The following ADCY2 variants were observed in gnomAD, a reference collection of about 807,000 sequenced individuals.
ADCY2 encodes the protein adenylate cyclase type 2.
A neutral mutation model predicts 125.2 loss-of-function variants in ADCY2; 31 were observed. That is an observed-to-expected ratio of 0.25 (90% CI 0.19 to 0.33). The LOEUF (loss-of-function observed/expected upper bound fraction) is 0.33, where lower values mean the gene tolerates loss of function less well. Among genes scored for constraint, ADCY2 ranks in the 10% least tolerant of loss-of-function variants. The probability of loss-of-function intolerance (pLI) is 1.00; values close to 1 mark genes in which losing one functional copy is unlikely to be tolerated. For synonymous variants in ADCY2, 512 were observed against 548.4 expected, an observed-to-expected ratio of 0.93 and a Z score of 0.93; for missense variants, 904 against 1,418.2, an observed-to-expected ratio of 0.64 and a Z score of 5.82.
intron 4 of ADCY2, among the ~76,000 whole-genome samples, chr5:7,664,717 C>T (rs1259484453): frequency 1.3e-5 from 2 of 152,266 alleles, no homozygotes; most frequent in East Asian, 1.9e-4. Context: ...ATAGAGAATC[C>T]CCATTTTTTC....
At chr5:7,681,457 G>A (rs1740334122) in intron 4 of ADCY2, among the ~76,000 whole-genome samples, 1 of 152,184 alleles carries the variant, frequency 6.6e-6, no homozygotes, top group African/African-American at 2.4e-5. Flanking sequence ...CTGCCTCAGT[G>A]CGAGAGTGTC....
chr5:7,456,115 T>G (rs1439826133), intron 2 of ADCY2, among the ~76,000 whole-genome samples: 2 of 151,924 alleles, frequency 1.3e-5, no homozygotes, highest in Non-Finnish European at 2.9e-5. Context: ...TTAAAATTAT[T>G]CATTAGCTAT....
chr5:7,684,420 G>C (rs559748112), intron 4 of ADCY2, among the ~76,000 whole-genome samples: 37 of 152,290 alleles, frequency 2.4e-4, no homozygotes, highest in African/African-American at 8.9e-4. Context: ...CATTTCCCTA[G>C]AGGCTCTATT....
At chr5:7,791,559 C>G (rs1328575754) in intron 20 of ADCY2, among the ~76,000 whole-genome samples, 1 of 152,174 alleles carries the variant, frequency 6.6e-6, no homozygotes, top group African/African-American at 2.4e-5. Context: ...TCTCATGGCC[C>G]ACTGGCTTTC....
chr5:7,806,736 T>A (rs1386223202), intron 22 of ADCY2, among the ~76,000 whole-genome samples: 1 of 152,204 alleles, frequency 6.6e-6, no homozygotes, highest in East Asian at 1.9e-4. Flanking sequence ...CAAAGCTCTG[T>A]CTTCAGTACA....
At chr5:7,653,302 A>G (rs1201350455) in intron 4 of ADCY2, among the ~76,000 whole-genome samples, 1 of 152,218 alleles carries the variant, frequency 6.6e-6, no homozygotes, top group East Asian at 1.9e-4. Context: ...GTGAGATGTC[A>G]GGCAAGTTGC....
chr5:7,739,975 T>C (rs914391841), intron 14 of ADCY2, among the ~76,000 whole-genome samples: 1 of 151,980 alleles, frequency 6.6e-6, no homozygotes, highest in African/African-American at 2.4e-5. Context: ...CTACCCAACA[T>C]TTTAAGAAAA....
chr5:7,443,194 GA>G (rs1267660812), intron 2 of ADCY2, among the ~76,000 whole-genome samples: 1 of 152,116 alleles, frequency 6.6e-6, no homozygotes, highest in Non-Finnish European at 1.5e-5. Context: ...GACAGAACTA[GA>G]AACGAAGTGT....
At chr5:7,556,758 G>A (rs959426721) in intron 3 of ADCY2, among the ~76,000 whole-genome samples, 1 of 152,138 alleles carries the variant, frequency 6.6e-6, no homozygotes. Context: ...ATTCTCATAA[G>A]AGCGGGAACC....
chr5:7,819,676 G>T (rs1177105197), intron 23 of ADCY2, among the ~76,000 whole-genome samples: 2 of 152,220 alleles, frequency 1.3e-5, no homozygotes, highest in East Asian at 3.9e-4. Flanking sequence ...TCTCCCAGGA[G>T]GGGACTTCCC....
intron 3 of ADCY2, among the ~76,000 whole-genome samples, chr5:7,541,522 T>C (rs1183033452): frequency 6.6e-6 from 1 of 152,150 alleles, no homozygotes; most frequent in Non-Finnish European, 1.5e-5. Context: ...AAGACATTAG[T>C]GTAGCTGGGA....
chr5:7,489,689 G>T (rs1743087332), intron 2 of ADCY2, among the ~76,000 whole-genome samples: 2 of 152,194 alleles, frequency 1.3e-5, no homozygotes, highest in African/African-American at 4.8e-5. Context: ...AAATTAGCCA[G>T]CCTTGGGTAT....
intron 2 of ADCY2, among the ~76,000 whole-genome samples, chr5:7,467,084 C>A (rs1306855909): frequency 6.6e-6 from 1 of 152,184 alleles, no homozygotes; most frequent in Non-Finnish European, 1.5e-5. Context: ...AGTGGACAAG[C>A]ACCTGCCCTT....
At chr5:7,750,085 T>A (rs1173029384) in intron 15 of ADCY2, among the ~76,000 whole-genome samples, 2 of 152,170 alleles carry the variant, frequency 1.3e-5, no homozygotes, top group African/African-American at 4.8e-5. Context: ...CAAACATCTC[T>A]CTCTCTTATT....
chr5:7,430,555 G>A (rs550738673), intron 2 of ADCY2, among the ~76,000 whole-genome samples: 1 of 147,148 alleles, frequency 6.8e-6, no homozygotes, highest in East Asian at 2.0e-4. Flanking sequence ...ATAGTATATT[G>A]ATATACTATA....
At chr5:7,767,922 T>C (rs1468718234) in intron 17 of ADCY2, among the ~76,000 whole-genome samples, 1 of 152,108 alleles carries the variant, frequency 6.6e-6, no homozygotes, top group East Asian at 1.9e-4. Context: ...TCCCAGCTAC[T>C]TGGGAGACTG....
At chr5:7,822,114 T>G (rs1042496856) in intron 24 of ADCY2, among the ~76,000 whole-genome samples, 2 of 152,174 alleles carry the variant, frequency 1.3e-5, no homozygotes, top group Non-Finnish European at 2.9e-5. Flanking sequence ...AAGAAAAGAA[T>G]AAGAAGAAGA....
chr5:7,531,483 C>T (rs1734637367), intron 3 of ADCY2, among the ~76,000 whole-genome samples: 1 of 152,118 alleles, frequency 6.6e-6, no homozygotes, highest in Admixed American at 6.5e-5. Flanking sequence ...ATGCTTGAAA[C>T]AACAGAGATT....
chr5:7,446,125 T>A (rs972960726), intron 2 of ADCY2, among the ~76,000 whole-genome samples: 1 of 152,198 alleles, frequency 6.6e-6, no homozygotes, highest in African/African-American at 2.4e-5. Flanking sequence ...AATTTTTATA[T>A]TTACATAATT....
Sources: allele counts gnomAD v4.1 joint callset (sites outside exome capture counted in the v4.1 genomes callset), GRCh38; gene constraint gnomAD v4.1.1; transcripts MANE v1.5; gene names NCBI Gene and HGNC (gene_info 2026-07-23, HGNC 2026-07-21).